CAMKMT: variants seen among roughly 807,000 people sequenced by gnomAD.
CAMKMT encodes the protein CaM KMT.
In CAMKMT, 53 loss-of-function variants were observed where a neutral mutation model predicts 48.0. The ratio of observed to expected loss-of-function variants is 1.10; its 90% CI spans 0.89 to 1.39. The LOEUF is 1.39. Ranked by LOEUF, CAMKMT falls within the 40% of genes most tolerant of loss-of-function variation. The pLI, the probability that CAMKMT is intolerant of heterozygous loss-of-function variation, is 0.00. For missense variants in CAMKMT, 428 were observed against 402.7 expected (o/e 1.06, Z -0.54); for synonymous variants, 165 against 152.3 (o/e 1.08, Z -0.61).
chr2:44,407,753 G>T (rs912729874), intron 3 of CAMKMT, among the ~76,000 whole-genome samples: 3 of 152,160 alleles, frequency 2.0e-5, no homozygotes, highest in African/African-American at 7.2e-5. Context: ...TCTTGGGTAG[G>T]TTAAGATAAA....
intron 3 of CAMKMT, among the ~76,000 whole-genome samples, chr2:44,522,275 G>A (rs924921254): frequency 1.3e-5 from 2 of 151,864 alleles, no homozygotes; most frequent in Non-Finnish European, 1.5e-5. Context: ...AAATTGCTGG[G>A]ATTACAGGCA....
chr2:44,390,883 A>G (rs1320412674), intron 3 of CAMKMT, among the ~76,000 whole-genome samples: 1 of 152,192 alleles, frequency 6.6e-6, no homozygotes, highest in East Asian at 1.9e-4. Context: ...AATCACTTAA[A>G]TATTTCTTAT....
chr2:44,633,490 A>G (rs1316098713), intron 3 of CAMKMT, among the ~76,000 whole-genome samples: 1 of 151,942 alleles, frequency 6.6e-6, no homozygotes, highest in East Asian at 1.9e-4. Flanking sequence ...CAGTTTGGTT[A>G]GTTTCTATCA....
At chr2:44,478,785 C>G (rs954072819) in intron 3 of CAMKMT, among the ~76,000 whole-genome samples, 1 of 151,452 alleles carries the variant, frequency 6.6e-6, no homozygotes, top group African/African-American at 2.4e-5. Flanking sequence ...ACTGCAAGCT[C>G]CACCTTCTGG....
chr2:44,614,056 C>T (rs1305354348), intron 3 of CAMKMT, among the ~76,000 whole-genome samples: 2 of 152,054 alleles, frequency 1.3e-5, no homozygotes, highest in African/African-American at 2.4e-5. Flanking sequence ...AATTTGTTTC[C>T]AGAAAACCTA....
chr2:44,606,628 AATAG>A (rs1262368389), intron 3 of CAMKMT, among the ~76,000 whole-genome samples: 2 of 152,188 alleles, frequency 1.3e-5, no homozygotes, highest in African/African-American at 2.4e-5. Flanking sequence ...TGGTAGTGAT[AATAG>A]ATATTTTTTG....
chr2:44,767,066 G>A (rs1573257869), intron 10 of CAMKMT, among the ~76,000 whole-genome samples: 1 of 152,208 alleles, frequency 6.6e-6, no homozygotes, highest in South Asian at 2.1e-4. Flanking sequence ...ATGTCAGATG[G>A]AGGCACTACA....
At chr2:44,576,630 G>C (rs1451962871) in intron 3 of CAMKMT, among the ~76,000 whole-genome samples, 1 of 152,174 alleles carries the variant, frequency 6.6e-6, no homozygotes, top group African/African-American at 2.4e-5. Flanking sequence ...GACTTACACT[G>C]ATAGCATTCA....
intron 3 of CAMKMT, among the ~76,000 whole-genome samples, chr2:44,676,252 T>C (rs927778302): frequency 3.3e-5 from 5 of 152,318 alleles, no homozygotes; most frequent in African/African-American, 1.2e-4. Flanking sequence ...TACTCCCATA[T>C]TTTTAATTTT....
At chr2:44,609,635 C>G (rs986183716) in intron 3 of CAMKMT, among the ~76,000 whole-genome samples, 2 of 152,190 alleles carry the variant, frequency 1.3e-5, no homozygotes, top group African/African-American at 2.4e-5. Flanking sequence ...CTAAGTGCTT[C>G]TTGACCATTG....
At chr2:44,711,453 A>G (rs1316097151) in intron 6 of CAMKMT, among the ~76,000 whole-genome samples, 1 of 152,170 alleles carries the variant, frequency 6.6e-6, no homozygotes, top group Non-Finnish European at 1.5e-5. Context: ...TCTACAGTAT[A>G]AATGTTCACA....
intron 3 of CAMKMT, among the ~76,000 whole-genome samples, chr2:44,396,164 T>C (rs947464871): frequency 3.2e-4 from 49 of 152,108 alleles, no homozygotes; most frequent in African/African-American, 1.1e-3. Context: ...ATAACACTCT[T>C]AGATATTTCA....
At chr2:44,513,267 C>T (rs539826414) in intron 3 of CAMKMT, among the ~76,000 whole-genome samples, 3 of 138,470 alleles carry the variant, frequency 2.2e-5, no homozygotes, top group Non-Finnish European at 3.1e-5. Context: ...ACACAGAATG[C>T]GACAAGGGCC....
At chr2:44,569,180 AC>A (rs1304830342) in intron 3 of CAMKMT, among the ~76,000 whole-genome samples, 3 of 152,162 alleles carry the variant, frequency 2.0e-5, no homozygotes, top group Non-Finnish European at 4.4e-5. Flanking sequence ...CAATAGGAAA[AC>A]TATTAATAAC....
chr2:44,443,000 C>A (rs1666764607), intron 3 of CAMKMT, among the ~76,000 whole-genome samples: 1 of 152,200 alleles, frequency 6.6e-6, no homozygotes, highest in African/African-American at 2.4e-5. Flanking sequence ...TCTTTATCTT[C>A]TTCCCGGCAG....
chr2:44,613,640 A>G (rs1671716265), intron 3 of CAMKMT, among the ~76,000 whole-genome samples: 1 of 152,258 alleles, frequency 6.6e-6, no homozygotes, highest in Admixed American at 6.5e-5. Flanking sequence ...CCAACGGCTG[A>G]CATTTACTGA....
At chr2:44,536,143 T>A (rs1666762323) in intron 3 of CAMKMT, among the ~76,000 whole-genome samples, 1 of 151,972 alleles carries the variant, frequency 6.6e-6, no homozygotes, top group Admixed American at 6.6e-5. Flanking sequence ...AGACATAAAT[T>A]TAACAAAGGA....
At chr2:44,681,886 A>G (rs755342979) in intron 3 of CAMKMT, among the ~76,000 whole-genome samples, 7 of 152,216 alleles carry the variant, frequency 4.6e-5, no homozygotes, top group Non-Finnish European at 1.0e-4. Context: ...CGGACACAAT[A>G]TTAAAATATT....
At chr2:44,551,977 G>T (rs1185245170) in intron 3 of CAMKMT, among the ~76,000 whole-genome samples, 1 of 152,112 alleles carries the variant, frequency 6.6e-6, no homozygotes, top group Non-Finnish European at 1.5e-5. Context: ...CTAACATATA[G>T]ATTTTTTTTT....
Sources: allele counts gnomAD v4.1 joint callset (sites outside exome capture counted in the v4.1 genomes callset), GRCh38; gene constraint gnomAD v4.1.1; transcripts MANE v1.5; gene names NCBI Gene and HGNC (gene_info 2026-07-23, HGNC 2026-07-21).